FRY: variants seen among roughly 807,000 people sequenced by gnomAD.
FRY encodes protein furry homolog.
A neutral mutation model predicts 348.4 loss-of-function variants in FRY; 128 were observed. That is an observed-to-expected ratio of 0.37 (90% CI 0.32 to 0.43). FRY has a LOEUF of 0.43. Ranked by LOEUF, FRY falls within the 20% of genes least tolerant of loss-of-function variation. The pLI is 1.00. For missense variants in FRY, 2,736 were observed against 3,695.2 expected, an observed-to-expected ratio of 0.74 and a Z score of 6.73; for synonymous variants, 1,370 against 1,374.7, an observed-to-expected ratio of 1.00 and a Z score of 0.08.
chr13:32,057,969 T>A (rs1010159869), intron 1 of FRY, among the ~76,000 whole-genome samples: 21 of 141,472 alleles, frequency 1.5e-4, no homozygotes, highest in African/African-American at 3.3e-4. Flanking sequence ...CAAAAAAAAA[T>A]AAATAAATAA....
At chr13:32,290,285 C>A (rs1245754565) in intron 59 of FRY, among the ~76,000 whole-genome samples, 1 of 152,034 alleles carries the variant, frequency 6.6e-6, no homozygotes, top group African/African-American at 2.4e-5. Context: ...AGAAATACTA[C>A]TGTAATGTAG....
chr13:32,157,576 A>G (rs1389161833), intron 16 of FRY, among the ~76,000 whole-genome samples, 171 bp downstream of exon 16: 1 of 152,200 alleles, frequency 6.6e-6, no homozygotes, highest in Admixed American at 6.5e-5. Context: ...AAATAAGGTC[A>G]TATCTGTGAT....
At chr13:32,157,494 C>A in intron 16 of FRY, 89 bp downstream of exon 16, 3 of 1,302,652 alleles carry the variant, frequency 2.3e-6, no homozygotes, top group Non-Finnish European at 3.3e-6. Flanking sequence ...ATTTTGTTTT[C>A]ATCTTCTTAG....
chr13:32,110,937 G>A (rs908910878), intron 3 of FRY, among the ~76,000 whole-genome samples: 1 of 152,190 alleles, frequency 6.6e-6, no homozygotes, highest in Non-Finnish European at 1.5e-5. Flanking sequence ...GTCCTACTAT[G>A]CTTTGGCATT....
At chr13:32,060,704 G>C (rs1873892722) in intron 1 of FRY, among the ~76,000 whole-genome samples, 1 of 152,210 alleles carries the variant, frequency 6.6e-6, no homozygotes, top group Non-Finnish European at 1.5e-5. Context: ...TGCATGGACT[G>C]TTTATGGCAA....
intron 3 of FRY, among the ~76,000 whole-genome samples, chr13:32,102,297 C>T (rs1258554674): frequency 6.6e-6 from 1 of 152,034 alleles, no homozygotes. Context: ...TTAAAGAAAC[C>T]AAGAAAAGAG....
chr13:32,244,993 A>G (rs1195703028), intron 47 of FRY, among the ~76,000 whole-genome samples: 2 of 152,054 alleles, frequency 1.3e-5, no homozygotes, highest in South Asian at 2.1e-4. Flanking sequence ...CGCTCTGTCC[A>G]GGCTGGAGTG....
chr13:32,046,082 T>C (rs1873001804), intron 1 of FRY, among the ~76,000 whole-genome samples: 1 of 152,176 alleles, frequency 6.6e-6, no homozygotes, highest in Non-Finnish European at 1.5e-5. Flanking sequence ...TCTTTAAATA[T>C]CATATTGTTC....
chr13:32,124,148 T>C, intron 4 of FRY, 138 bp from the exon 5 acceptor site: 1 of 656,856 alleles, frequency 1.5e-6, no homozygotes, highest in Non-Finnish European at 2.7e-6. Flanking sequence ...AACGTTAGCA[T>C]GTATCTACCA....
intron 51 of FRY, among the ~76,000 whole-genome samples, chr13:32,255,058 G>C (rs1171205669): frequency 6.6e-6 from 1 of 152,160 alleles, no homozygotes; most frequent in Non-Finnish European, 1.5e-5. Context: ...GCAAAAACAG[G>C]TATTGAGAGG....
chr13:32,252,187 T>C (rs1345152720), intron 50 of FRY, among the ~76,000 whole-genome samples: 1 of 152,060 alleles, frequency 6.6e-6, no homozygotes, highest in Non-Finnish European at 1.5e-5. Flanking sequence ...GTGAATACTG[T>C]TTCTTTTCAT....
intron 4 of FRY, among the ~76,000 whole-genome samples, chr13:32,117,693 A>G (rs933459527): frequency 2.6e-5 from 4 of 152,070 alleles, no homozygotes; most frequent in Middle Eastern, 3.4e-3. Flanking sequence ...CTTTATTTCA[A>G]CTTTGGTGGA....
Position 32,178,528 on chromosome 13 carries a change from C to T in FRY, c.2681+92C>T, listed in dbSNP as rs1434423740. The T allele has an allele frequency of 1.8e-5, 24 of 1,370,558 alleles. No homozygotes were observed. The Admixed American group carries it at 2.4e-4, about 14-fold the overall frequency. 84.9% of individuals were successfully genotyped at this position (1,370,558 alleles called of 1,614,324 possible). Reference sequence around the variant, plus strand: ...GTGTAAGAGATTGGGATGTTATCATCCCAATTTCTGAACTTCCTACTAGAG... The same window carrying T: ...GTGTAAGAGATTGGGATGTTATCATTCCAATTTCTGAACTTCCTACTAGAG... On this transcript the variant is annotated intron_variant, in intron 21 of 60. Transcript: ENST00000542859.
rs537348399 is a variant in FRY, at chr13:32,263,607, G to GA, written c.7779+1139dup. 4.8e-3 allele frequency among the ~76,000 whole-genome samples: 737 copies of GA among 152,260 alleles called. 4 individuals carry two copies. Among genetic ancestry groups the GA allele is most frequent in the African/African-American group, 0.017 (705 of 41,572 alleles). ...TAAGATTATGAAATTAAATTTCATAGAAAAAAATCACAAAATATATGTGCA... is the reference window on the plus strand; with the variant it reads ...TAAGATTATGAAATTAAATTTCATAGAAAAAAAATCACAAAATATATGTGCA... On this transcript the variant is annotated intron_variant, in intron 53 of 60. Coordinates refer to ENST00000542859, the MANE Select transcript of FRY (RefSeq NM_023037.3).
In FRY at chr13:32,239,676, T is replaced by C; in HGVS notation, c.6517-35T>C. 1 of 1,427,504 alleles carries C rather than the reference T, an allele frequency of 7.0e-7. No homozygotes were observed. Among genetic ancestry groups the C allele is most frequent in the Non-Finnish European group, 9.9e-7 (1 of 1,011,706 alleles). The allele number at this position is 1,427,504 out of a possible 1,614,324, so 88.4% of individuals were successfully genotyped here. The stretch of plus-strand genomic sequence containing the variant: ...TAACATTTCTTCCTATTCATTGGGC[T>C]ATTTTATTCCTAATTGATTTTTTTA... On this transcript the variant is annotated intron_variant, in intron 45 of 60. Transcript: ENST00000542859. This position sits in a 1 kb window ranked among gnomAD's most constrained non-coding sequence, Gnocchi z 4.3.
chr13:32,065,182 G>C (rs1874177564), intron 1 of FRY, among the ~76,000 whole-genome samples: 1 of 151,980 alleles, frequency 6.6e-6, no homozygotes, highest in Non-Finnish European at 1.5e-5. Context: ...TTATTATGAA[G>C]TGTTAAACCC....
At chr13:32,188,655 A>T (rs1288421482) in intron 28 of FRY, among the ~76,000 whole-genome samples, 1 of 152,052 alleles carries the variant, frequency 6.6e-6, no homozygotes, top group Non-Finnish European at 1.5e-5. Flanking sequence ...TATTGCCATG[A>T]CCTTTGCTCT....
intron 51 of FRY, among the ~76,000 whole-genome samples, chr13:32,254,770 T>C (rs10492392): frequency 0.22 from 33,691 of 152,184 alleles, 4,583 homozygotes; most frequent in Non-Finnish European, 0.31. Flanking sequence ...ATTTAATCAT[T>C]TCTAATGTGA....
At chr13:32,152,504 A>G (rs952243988) in intron 14 of FRY, among the ~76,000 whole-genome samples, 1 of 152,168 alleles carries the variant, frequency 6.6e-6, no homozygotes, top group Non-Finnish European at 1.5e-5. Context: ...GATTTTCAAC[A>G]ATGATTCTAA....
Sources: gnomAD v4.1 joint callset for allele counts (sites outside exome capture counted in the v4.1 genomes callset) on GRCh38, gnomAD v4.1.1 for gene constraint, Gnocchi (gnomAD v3.1) non-coding constraint, MANE v1.5 for transcripts, NCBI Gene and HGNC (gene_info 2026-07-23, HGNC 2026-07-21) for gene names.